The following DLG2 variants were observed in gnomAD, a reference collection of about 807,000 sequenced individuals.
DLG2 encodes the protein discs large MAGUK scaffold protein 2.
Under a neutral mutation model 132.5 loss-of-function variants are expected in DLG2, and 45 were observed. The observed-to-expected ratio is 0.34, with a 90% CI of 0.27 to 0.44. The LOEUF is 0.44. DLG2 is among the 20% of genes least tolerant of loss of function. DLG2 has a pLI of 1.00. For synonymous variants in DLG2, 424 were observed against 419.6 expected, an observed-to-expected ratio of 1.01 and a Z score of -0.13; for missense variants, 1,045 against 1,196.9, an observed-to-expected ratio of 0.87 and a Z score of 1.87.
intron 16 of DLG2, among the ~76,000 whole-genome samples, chr11:83,848,416 C>T (rs915083455): frequency 1.3e-5 from 2 of 152,148 alleles, no homozygotes; most frequent in Non-Finnish European, 2.9e-5. Flanking sequence ...CTTCTCTACT[C>T]CAAATTTCTA....
At chr11:84,888,088 T>C (rs1179505914) in intron 6 of DLG2, among the ~76,000 whole-genome samples, 1 of 152,106 alleles carries the variant, frequency 6.6e-6, no homozygotes, top group Non-Finnish European at 1.5e-5. Context: ...CATAGAACAC[T>C]GCAAATTGAT....
chr11:83,539,980 A>C (rs1200904272), intron 20 of DLG2, among the ~76,000 whole-genome samples: 1 of 152,192 alleles, frequency 6.6e-6, no homozygotes, highest in East Asian at 1.9e-4. Context: ...TGTATAGTTC[A>C]ACCCCTGTAT....
intron 3 of DLG2, among the ~76,000 whole-genome samples, chr11:85,506,456 C>T (rs1173069364): frequency 5.9e-5 from 9 of 152,148 alleles, no homozygotes; most frequent in Non-Finnish European, 1.0e-4. Flanking sequence ...TTTATTTCTG[C>T]TTTTATTTCA....
At position 83,792,700 on chromosome 11, in the gene DLG2, G is replaced by A. The variant is rs2041892152; in HGVS notation, c.1723-5908C>T. Among the ~76,000 whole-genome samples, 2 of 151,978 alleles carry A rather than the reference G, an allele frequency of 1.3e-5. 1 individual carries two copies. The highest frequency in any genetic ancestry group is 4.2e-4 in the South Asian group (2 of 4,816). On this transcript the variant is annotated intron_variant, in intron 17 of 27. Transcript: ENST00000376104. ...ATCTCATTCTTTTTAATAGCTATGA[G>A]TGTTCTATTATTCAATGAAAAACAA... is the stretch of plus-strand genomic sequence containing the variant.
At chr11:84,986,993 G>T (rs2056566195) in intron 6 of DLG2, among the ~76,000 whole-genome samples, 1 of 152,210 alleles carries the variant, frequency 6.6e-6, no homozygotes, top group East Asian at 1.9e-4. Flanking sequence ...CTGATGATAT[G>T]ATTATTTACT....
intron 6 of DLG2, among the ~76,000 whole-genome samples, chr11:84,547,889 C>T (rs1399755807): frequency 1.3e-5 from 2 of 152,142 alleles, no homozygotes; most frequent in Non-Finnish European, 2.9e-5. Flanking sequence ...CTCCTGTGTA[C>T]TCCACCATGA....
chr11:85,108,562 T>C (rs1441684419), intron 6 of DLG2, among the ~76,000 whole-genome samples: 1 of 151,950 alleles, frequency 6.6e-6, no homozygotes, highest in Non-Finnish European at 1.5e-5. Flanking sequence ...ATTTTTTTTA[T>C]TCTATAAGAT....
intron 6 of DLG2, among the ~76,000 whole-genome samples, chr11:85,076,516 T>A (rs894738063): frequency 6.6e-6 from 1 of 151,916 alleles, no homozygotes; most frequent in Non-Finnish European, 1.5e-5. Flanking sequence ...ATTTTAAGAG[T>A]GATGCCATGT....
chr11:83,839,248 C>T (rs555008081), intron 16 of DLG2, among the ~76,000 whole-genome samples: 6 of 151,848 alleles, frequency 4.0e-5, no homozygotes, highest in Non-Finnish European at 8.8e-5. Context: ...ATTTAAATGC[C>T]TTTTTTAAAA....
At chr11:83,757,293 TACTG>T (rs1481591193) in intron 18 of DLG2, among the ~76,000 whole-genome samples, 2 of 152,274 alleles carry the variant, frequency 1.3e-5, no homozygotes, top group Admixed American at 1.3e-4. Flanking sequence ...CTTTGGTTCT[TACTG>T]ACTGAGTAAC....
At chr11:85,337,718 C>T (rs2082226194) in intron 3 of DLG2, among the ~76,000 whole-genome samples, 1 of 152,068 alleles carries the variant, frequency 6.6e-6, no homozygotes, top group Admixed American at 6.6e-5. Flanking sequence ...TGGTGCTCTA[C>T]ACTGGAAGAA....
At chr11:85,503,794 T>C (rs996765077) in intron 3 of DLG2, among the ~76,000 whole-genome samples, 1 of 152,020 alleles carries the variant, frequency 6.6e-6, no homozygotes, top group African/African-American at 2.4e-5. Context: ...TAGTTGGGCA[T>C]GGTGGCACAC....
At chr11:85,577,405 T>A (rs1334449377) in intron 3 of DLG2, among the ~76,000 whole-genome samples, 1 of 151,898 alleles carries the variant, frequency 6.6e-6, no homozygotes, top group Non-Finnish European at 1.5e-5. Flanking sequence ...AAGAGAAAAA[T>A]CAGTGATGTT....
chr11:83,943,216 G>GA (rs2083062282), intron 14 of DLG2, among the ~76,000 whole-genome samples: 1 of 152,078 alleles, frequency 6.6e-6, no homozygotes, highest in African/African-American at 2.4e-5. Flanking sequence ...GTATACACAA[G>GA]AAAACATCAA....
intron 17 of DLG2, among the ~76,000 whole-genome samples, chr11:83,810,714 C>T (rs915597644): frequency 5.9e-5 from 9 of 152,084 alleles, no homozygotes; most frequent in African/African-American, 1.9e-4. Context: ...CCTATTCTGC[C>T]TTTTCCCATG....
At chr11:84,600,975 C>T (rs566796141) in intron 6 of DLG2, among the ~76,000 whole-genome samples, 17 of 152,174 alleles carry the variant, frequency 1.1e-4, no homozygotes, top group Admixed American at 3.9e-4. Flanking sequence ...AAAATAAAAG[C>T]TTACAGTAGA....
chr11:85,132,094 T>A (rs752789132), intron 5 of DLG2, among the ~76,000 whole-genome samples: 107 of 152,330 alleles, frequency 7.0e-4, no homozygotes, highest in Admixed American at 1.5e-3. Context: ...GCTTTTGAAA[T>A]GTTTTGCTAT....
chr11:84,147,618 T>C (rs1328115155), intron 9 of DLG2, among the ~76,000 whole-genome samples: 1 of 151,992 alleles, frequency 6.6e-6, no homozygotes, highest in Non-Finnish European at 1.5e-5. Context: ...CTAGAAAAAA[T>C]TATGGTTGTA....
At chr11:84,588,366 T>C (rs962381528) in intron 6 of DLG2, among the ~76,000 whole-genome samples, 1 of 152,188 alleles carries the variant, frequency 6.6e-6, no homozygotes, top group Non-Finnish European at 1.5e-5. Context: ...CAATGAATCA[T>C]CATTCTTTTG....
Sources: gnomAD v4.1 joint callset for allele counts (sites outside exome capture counted in the v4.1 genomes callset) on GRCh38, gnomAD v4.1.1 for gene constraint, MANE v1.5 for transcripts, NCBI Gene and HGNC (gene_info 2026-07-23, HGNC 2026-07-21) for gene names.